The following RPL7A variants were observed in gnomAD, a reference collection of about 807,000 sequenced individuals.
The protein encoded by RPL7A is ribosomal protein L7a.
For missense variants in RPL7A, 291 were observed against 338.2 expected, an observed-to-expected ratio of 0.86 and a Z score of 1.09; for synonymous variants, 158 against 128.2, an observed-to-expected ratio of 1.23 and a Z score of -1.57.
rs2129998899 is a variant in RPL7A at position 133,351,246 on chromosome 9, CTT to C, written c.697-12_697-11del. ...AAACAGTAAGCCAAGCTAACTGCCT[CTT>C]TTTGTCTTTTCAGATCCGCCGTCAC... On this transcript the variant is annotated splice_polypyrimidine_tract_variant and intron_variant, in intron 7 of 7. Coordinates refer to ENST00000323345, the MANE Select transcript of RPL7A (RefSeq NM_000972.3). The C allele has an allele frequency of 1.6e-5, 25 of 1,611,880 alleles. No homozygotes were observed. Among genetic ancestry groups the C allele is most frequent in the Admixed American group, 1.5e-4 (9 of 59,966 alleles).
At position 133,349,020 on chromosome 9, in the gene RPL7A, A is replaced by C; in HGVS notation, c.102A>C (p.Lys34Asn). Residue 34 changes from lysine to asparagine, a missense_variant, in exon 2 of 8, where the codon AAA becomes AAC. Coordinates refer to ENST00000323345, the MANE Select transcript of RPL7A (RefSeq NM_000972.3). Reference protein sequence around the residue: ...AKKVVNPLFEKRPKNFGIGQD... With the variant: ...AKKVVNPLFENRPKNFGIGQD... ...AAGTGGTGAATCCCCTGTTTGAGAA[A>C]AGGCCTAAGAATTTTGGCATTGGTA... 6.2e-7 allele frequency: 1 copy of C among 1,613,968 alleles called. No homozygotes were observed. The highest frequency in any genetic ancestry group is 2.2e-5 in the East Asian group (1 of 44,894).
intron 3 of RPL7A, 64 bp from the exon 4 acceptor site, chr9:133,349,848 T>C (rs1836333530): frequency 1.9e-6 from 3 of 1,592,530 alleles, no homozygotes; most frequent in Non-Finnish European, 2.6e-6. Flanking sequence ...CATTTGTTAT[T>C]AAGTGTTAAG....
At chr9:133,349,317 A>G (rs187084133) in intron 2 of RPL7A, 6 of 804,360 alleles carry the variant, frequency 7.5e-6, no homozygotes, top group East Asian at 2.4e-5. Context: ...TAGGACTGCA[A>G]TTCTGCTGTA....
At chr9:133,349,740 G>A (rs2129988322) in intron 3 of RPL7A, 40 bp downstream of exon 3, 2 of 1,608,936 alleles carry the variant, frequency 1.2e-6, no homozygotes, top group Non-Finnish European at 8.5e-7. Flanking sequence ...CTCAGGCAAG[G>A]ATTCCTTATT....
Position 133,350,995 on chromosome 9 carries a change from C to G in RPL7A, c.627-7C>G, listed in dbSNP as rs371329026. On this transcript the variant is annotated splice_polypyrimidine_tract_variant and splice_region_variant and intron_variant, in intron 6 of 7. Transcript: ENST00000323345. ...AACCCACTTTTGTTTCCCCTCCTGC[C>G]TTTTAGGGAAGACAAAGGCGCTTTG... The G allele has an allele frequency of 2.5e-6, 4 of 1,613,886 alleles. No individual in the cohort carries two copies. In the South Asian group the frequency reaches 3.3e-5, roughly 13 times the overall value.
chr9:133,349,774 G>A lies in RPL7A; in HGVS notation c.274+74G>A, dbSNP rs2129988610. 1.3e-5 allele frequency: 20 copies of A among 1,593,452 alleles called. No individual in the cohort carries two copies. The African/African-American group carries it at 1.6e-4, about 13-fold the overall frequency. ...TTTCATCCAGAACATGAGGGGGATGGTCTTAGGCTTCTTGAACTGCAGTTG... is the reference window on the plus strand; with the variant it reads ...TTTCATCCAGAACATGAGGGGGATGATCTTAGGCTTCTTGAACTGCAGTTG... On this transcript the variant is annotated intron_variant, in intron 3 of 7. Transcript: ENST00000323345.
At chr9:133,348,277 G>T (rs1471296355) in intron 1 of RPL7A, 31 bp downstream of exon 1, 4 of 1,614,060 alleles carry the variant, frequency 2.5e-6, no homozygotes, top group Non-Finnish European at 3.4e-6. Flanking sequence ...TGGCACTATA[G>T]CCAGGTTCCG....
At position 133,348,973 on chromosome 9, in the gene RPL7A, G is replaced by A; in HGVS notation, c.55G>A (p.Val19Met). ...GKKVAPAPAV[V>M]KKQEAKKVVN... Reference sequence around the variant, plus strand: ...GAAGGTGGCTCCGGCCCCAGCTGTCGTGAAGAAGCAGGAGGCTAAGAAAGT... The same window carrying A: ...GAAGGTGGCTCCGGCCCCAGCTGTCATGAAGAAGCAGGAGGCTAAGAAAGT... Residue 19 changes from valine (V) to methionine (M), a missense_variant, in exon 2 of 8, where the codon GTG becomes ATG. By Grantham distance (21) the Val-to-Met change is conservative (BLOSUM62 1). Coordinates refer to ENST00000323345, the MANE Select transcript of RPL7A (RefSeq NM_000972.3). 1 of 1,614,028 alleles carries A rather than the reference G, an allele frequency of 6.2e-7. No individual in the cohort carries two copies. The highest frequency in any genetic ancestry group is 8.5e-7 in the Non-Finnish European group (1 of 1,180,024).
intron 1 of RPL7A, chr9:133,348,647 T>C (rs1360903857): frequency 6.0e-6 from 4 of 669,652 alleles, no homozygotes; most frequent in Non-Finnish European, 1.1e-5. Flanking sequence ...GAGTCATGAG[T>C]CCGGGGTGTC....
At chr9:133,349,455 C>T (rs2129986197) in intron 2 of RPL7A, 96 bp from the exon 3 acceptor site, 3 of 1,464,700 alleles carry the variant, frequency 2.0e-6, no homozygotes, top group Admixed American at 1.7e-5. Flanking sequence ...TTTAAACCAC[C>T]AAGATCGCTG....
chr9:133,350,874 C>T (rs2129996674), intron 6 of RPL7A, 128 bp from the exon 7 acceptor site: 4 of 1,464,446 alleles, frequency 2.7e-6, no homozygotes, highest in African/African-American at 1.4e-5. Context: ...AATTTCTTCA[C>T]CTGAATAAAC....
At chr9:133,348,620 G>C (rs1287366247) in intron 1 of RPL7A, 1 of 626,466 alleles carries the variant, frequency 1.6e-6, no homozygotes, top group Non-Finnish European at 2.9e-6. Context: ...TAGAGCCTGT[G>C]GGGCCGCGAC....
At chr9:133,348,534 A>G (rs1470628158) in intron 1 of RPL7A, 12 of 599,362 alleles carry the variant, frequency 2.0e-5, no homozygotes, top group South Asian at 7.9e-5. Context: ...TCGGAGCCCT[A>G]GCGTCTCTCG....
At chr9:133,348,351 T>C in intron 1 of RPL7A, 105 bp downstream of exon 1, 2 of 1,483,736 alleles carry the variant, frequency 1.3e-6, no homozygotes, top group South Asian at 1.1e-5. Context: ...CTCCTGGCGC[T>C]AGGAGAGCCC....
At position 133,348,326 on chromosome 9, in the gene RPL7A, G is replaced by C; in HGVS notation, c.3+80G>C. ...CCATCCTCCTCCAGGCGCGGCCTCG[G>C]AGGGCCTCCTGCTCCTCCTGGCGCT... On this transcript the variant is annotated intron_variant, in intron 1 of 7. Coordinates refer to ENST00000323345, the MANE Select transcript of RPL7A (RefSeq NM_000972.3). 6 of 1,591,142 alleles carry C rather than the reference G, an allele frequency of 3.8e-6. No homozygotes were observed. In the South Asian group the frequency reaches 4.4e-5, roughly 12 times the overall value.
In RPL7A at chr9:133,348,240, C is replaced by T. The variant is rs2129977135; in HGVS notation, c.-4C>T. 1.4e-5 allele frequency: 23 copies of T among 1,614,094 alleles called. No homozygotes were observed. The African/African-American group carries it at 1.6e-4, about 11-fold the overall frequency. On this transcript the variant is annotated 5_prime_UTR_variant, in exon 1 of 8. Transcript: ENST00000323345. ...TTCCTTTCTCTCTCCTCCCGCCGCC[C>T]AAGATGGTGAGTGAGCTGTAGTTCC...
intron 1 of RPL7A, 174 bp from the exon 2 acceptor site, chr9:133,348,748 G>A (rs1323447431): frequency 2.1e-6 from 2 of 965,530 alleles, no homozygotes; most frequent in South Asian, 1.4e-5. Flanking sequence ...TTGTGCGGCT[G>A]AATGTGAGAT....
chr9:133,349,600 C>G lies in RPL7A; in HGVS notation c.174C>G (p.Pro58=), dbSNP rs2129987349. 8 of 1,614,046 alleles carry G rather than the reference C, an allele frequency of 5.0e-6. No individual in the cohort carries two copies. The highest frequency in any genetic ancestry group is 2.2e-5 in the East Asian group (1 of 44,886). The change falls in exon 3 of 8, where the codon CCC becomes CCG. Residue 58 remains proline (P), a synonymous_variant. Transcript: ENST00000323345. ...KRDLTRFVKW[P]RYIRLQRQRA... ...ACCTCACCCGCTTTGTGAAATGGCCCCGCTATATCAGGTTGCAGCGGCAGA... is the reference window on the plus strand; with the variant it reads ...ACCTCACCCGCTTTGTGAAATGGCCGCGCTATATCAGGTTGCAGCGGCAGA...
intron 6 of RPL7A, 97 bp from the exon 7 acceptor site, chr9:133,350,904 CT>C: frequency 2.0e-6 from 3 of 1,501,794 alleles, no homozygotes; most frequent in Non-Finnish European, 2.8e-6. Flanking sequence ...AGCATTGCAT[CT>C]GAGGCAAAAG....
Sources: allele counts gnomAD v4.1 joint callset, GRCh38; gene constraint gnomAD v4.1.1; transcripts MANE v1.5; gene names NCBI Gene and HGNC (gene_info 2026-07-23, HGNC 2026-07-21).